FHIT: variants seen among roughly 807,000 people sequenced by gnomAD.
FHIT encodes the protein fragile histidine triad diadenosine triphosphatase.
A neutral mutation model predicts 17.9 loss-of-function variants in FHIT; 19 were observed. The ratio of observed to expected loss-of-function variants is 1.06; its 90% CI spans 0.74 to 1.56. FHIT has a LOEUF of 1.56. FHIT is among the 40% of genes most tolerant of loss of function. The pLI, the probability that FHIT is intolerant of heterozygous loss-of-function variation, is 0.00. For missense variants in FHIT, 248 were observed against 189.2 expected (o/e 1.31, Z -1.82); for synonymous variants, 81 against 69.7 (o/e 1.16, Z -0.81).
chr3:61,143,739 G>A (rs527399401), intron 2 of FHIT, among the ~76,000 whole-genome samples: 15 of 152,156 alleles, frequency 9.9e-5, no homozygotes, highest in Admixed American at 4.6e-4. Context: ...GGTGGCAGGC[G>A]CCTGTAGTCC....
chr3:61,114,353 A>C (rs1458876017), intron 2 of FHIT, among the ~76,000 whole-genome samples: 1 of 152,168 alleles, frequency 6.6e-6, no homozygotes, highest in Admixed American at 6.6e-5. Context: ...ATTATTAATA[A>C]CATTTTGTCT....
chr3:60,702,155 C>T (rs1321132895), intron 4 of FHIT, among the ~76,000 whole-genome samples: 1 of 152,322 alleles, frequency 6.6e-6, no homozygotes, highest in East Asian at 1.9e-4. Flanking sequence ...TGAGCCACTG[C>T]ATCCAGCTGA....
At chr3:60,215,246 C>A (rs548689704) in intron 5 of FHIT, among the ~76,000 whole-genome samples, 1 of 152,010 alleles carries the variant, frequency 6.6e-6, no homozygotes, top group Non-Finnish European at 1.5e-5. Flanking sequence ...AATCCCAGCA[C>A]GTTGGGAGGC....
chr3:60,398,322 G>A (rs1018778812), intron 5 of FHIT, among the ~76,000 whole-genome samples: 5 of 152,080 alleles, frequency 3.3e-5, no homozygotes, highest in African/African-American at 1.2e-4. Flanking sequence ...AATCTTTGAG[G>A]TATAATGCTA....
intron 4 of FHIT, among the ~76,000 whole-genome samples, chr3:60,667,795 A>C (rs560526482): frequency 6.6e-6 from 1 of 152,134 alleles, no homozygotes; most frequent in Non-Finnish European, 1.5e-5. Flanking sequence ...GGCTACTTTT[A>C]TCAGCTGTGG....
intron 4 of FHIT, among the ~76,000 whole-genome samples, chr3:60,710,875 C>T (rs186521989): frequency 1.6e-4 from 24 of 152,332 alleles, no homozygotes; most frequent in African/African-American, 5.8e-4. Context: ...CAGCAGTAAC[C>T]TCTGCAGACT....
rs138829882 is a variant in FHIT at position 60,420,087 on chromosome 3, C to A, written c.103+116773G>T. 3.9e-5 allele frequency among the ~76,000 whole-genome samples: 6 copies of A among 152,212 alleles called. No homozygotes were observed. In the East Asian group the frequency reaches 1.2e-3, roughly 29 times the overall value. On this transcript the variant is annotated intron_variant, in intron 5 of 9. Coordinates refer to ENST00000492590, the MANE Select transcript of FHIT (RefSeq NM_002012.4). ...TGCTTTATTTCTTATTCTCTCTTCC[C>A]AGACCACTCAAAATGTTAAGTCTGA...
intron 8 of FHIT, among the ~76,000 whole-genome samples, chr3:59,795,036 T>C (rs1699721331): frequency 6.6e-6 from 1 of 152,152 alleles, no homozygotes; most frequent in South Asian, 2.1e-4. Context: ...GAGAATGCAA[T>C]GCAAAGCATG....
intron 5 of FHIT, among the ~76,000 whole-genome samples, chr3:60,245,329 T>C (rs1309443040): frequency 1.3e-5 from 2 of 152,072 alleles, no homozygotes; most frequent in Non-Finnish European, 2.9e-5. Flanking sequence ...ACACAGCTTT[T>C]ATCAGAGGGC....
At chr3:59,936,859 A>C (rs537299932) in intron 7 of FHIT, among the ~76,000 whole-genome samples, 1 of 152,298 alleles carries the variant, frequency 6.6e-6, no homozygotes, top group Non-Finnish European at 1.5e-5. Flanking sequence ...TGGTTTAAAT[A>C]AAAGTGATAA....
chr3:59,785,027 C>T (rs1702772634), intron 8 of FHIT, among the ~76,000 whole-genome samples: 1 of 151,982 alleles, frequency 6.6e-6, no homozygotes, highest in Non-Finnish European at 1.5e-5. Context: ...GCAGACAGGT[C>T]ACATGGCCCG....
At chr3:61,004,539 G>T (rs1232893214) in intron 3 of FHIT, among the ~76,000 whole-genome samples, 1 of 152,226 alleles carries the variant, frequency 6.6e-6, no homozygotes, top group Non-Finnish European at 1.5e-5. Context: ...AGGGGAAGGA[G>T]CACTGACCAG....
chr3:61,054,256 A>G (rs17635515), intron 2 of FHIT, among the ~76,000 whole-genome samples: 7,045 of 152,332 alleles, frequency 0.046, 197 homozygotes, highest in Non-Finnish European at 0.06. Flanking sequence ...GGTTGTGCTA[A>G]TAAATTCCCC....
At chr3:60,928,640 C>T (rs1307339287) in intron 3 of FHIT, among the ~76,000 whole-genome samples, 3 of 150,822 alleles carry the variant, frequency 2.0e-5, no homozygotes, top group African/African-American at 7.3e-5. Flanking sequence ...TTCCTCGACA[C>T]ATACACCCTC....
Position 60,590,184 on chromosome 3 carries a change from G to A in FHIT, c.-17-53205C>T, listed in dbSNP as rs2038038879. On this transcript the variant is annotated intron_variant, in intron 4 of 9. Transcript: ENST00000492590. ...TATGAACCAAATTTTTCTTGCTCAA[G>A]TCTGCAAGAAGGGAGGAACTCTGTG... Among the ~76,000 whole-genome samples the A allele has an allele frequency of 3.3e-5, 5 of 151,930 alleles. No individual in the cohort carries two copies. In the South Asian group the frequency reaches 1.0e-3, roughly 32 times the overall value.
intron 5 of FHIT, among the ~76,000 whole-genome samples, chr3:60,420,192 C>T (rs1702417575): frequency 6.6e-6 from 1 of 152,064 alleles, no homozygotes; most frequent in South Asian, 2.1e-4. Flanking sequence ...TACTGAAGGC[C>T]ATCATGCTTT....
chr3:60,698,086 T>C (rs763632766), intron 4 of FHIT, among the ~76,000 whole-genome samples: 4 of 152,196 alleles, frequency 2.6e-5, no homozygotes, highest in Non-Finnish European at 5.9e-5. Flanking sequence ...CTGAATTGCC[T>C]GCAGAAATGG....
intron 3 of FHIT, among the ~76,000 whole-genome samples, chr3:60,910,080 C>G (rs1418709560): frequency 1.3e-5 from 2 of 152,118 alleles, no homozygotes; most frequent in Admixed American, 1.3e-4. Context: ...CGCCCTTTAC[C>G]CTCTCCCCAA....
At chr3:61,058,760 C>G (rs571016576) in intron 2 of FHIT, among the ~76,000 whole-genome samples, 1 of 152,162 alleles carries the variant, frequency 6.6e-6, no homozygotes, top group Non-Finnish European at 1.5e-5. Flanking sequence ...AATGCAAGAA[C>G]GGACTAATGC....
Sources: gnomAD v4.1 joint callset for allele counts (sites outside exome capture counted in the v4.1 genomes callset) on GRCh38, gnomAD v4.1.1 for gene constraint, MANE v1.5 for transcripts, NCBI Gene and HGNC (gene_info 2026-07-23, HGNC 2026-07-21) for gene names.